RSPH14: variants seen among roughly 807,000 people sequenced by gnomAD.
The protein encoded by RSPH14 is radial spoke head 14 homolog.
In RSPH14, 20 loss-of-function variants were observed where a neutral mutation model predicts 26.7. That is an observed-to-expected ratio of 0.75 (90% CI 0.53 to 1.09). The LOEUF (loss-of-function observed/expected upper bound fraction) is 1.09, where lower values mean the gene tolerates loss of function less well. Ranked by LOEUF, RSPH14 falls within the 50% of genes least tolerant of loss-of-function variation. RSPH14 has a pLI of 0.00. For missense variants in RSPH14, 449 were observed against 457.2 expected (o/e 0.98, Z 0.16); for synonymous variants, 177 against 189.3 (o/e 0.93, Z 0.53).
chr22:23,150,058 T>A, the RSPH14 span: 1 of 1,603,390 alleles, frequency 6.2e-7, no homozygotes, highest in African/African-American at 1.3e-5. Flanking sequence ...TCTGTCTCTT[T>A]GCAGTGGTAC....
the RSPH14 span, chr22:23,161,026 T>A: frequency 6.3e-7 from 1 of 1,575,324 alleles, no homozygotes; most frequent in Non-Finnish European, 8.7e-7. Flanking sequence ...TGGGTTGGGC[T>A]GGGGAGTAGG....
intron 4 of RSPH14, among the ~76,000 whole-genome samples, chr22:23,107,678 C>T (rs903858874): frequency 2.0e-5 from 3 of 152,134 alleles, no homozygotes; most frequent in Non-Finnish European, 4.4e-5. Context: ...ACCAAGGGAG[C>T]GCAGCAGTGG....
At chr22:23,168,547 G>A in the RSPH14 span, among the ~76,000 whole-genome samples, 3 of 152,316 alleles carry the variant, frequency 2.0e-5, no homozygotes, top group Admixed American at 2.0e-4. Flanking sequence ...GAGATGCGAT[G>A]CCCTCCCAGC....
chr22:23,112,993 G>T (rs756123394), intron 4 of RSPH14, among the ~76,000 whole-genome samples: 10 of 152,202 alleles, frequency 6.6e-5, no homozygotes, highest in Non-Finnish European at 1.3e-4. Context: ...CAGGTCTGAC[G>T]TGGCCCATTT....
chr22:23,096,153 C>A, intron 4 of RSPH14: 1 of 1,612,920 alleles, frequency 6.2e-7, no homozygotes, highest in Non-Finnish European at 8.5e-7. Context: ...GAGGACAACG[C>A]GGCCTACTAC....
chr22:23,098,446 G>A (rs577000753), intron 4 of RSPH14, among the ~76,000 whole-genome samples: 2 of 152,188 alleles, frequency 1.3e-5, no homozygotes, highest in South Asian at 4.1e-4. Context: ...CCCTCTCCCA[G>A]GCCTGTCCCT....
chr22:23,130,137 A>G (rs1263066368), intron 4 of RSPH14, among the ~76,000 whole-genome samples: 2 of 110,558 alleles, frequency 1.8e-5, no homozygotes, highest in African/African-American at 6.6e-5. Flanking sequence ...GAAAGAAAGA[A>G]AGAAAGAAAG....
At chr22:23,162,781 G>A in the RSPH14 span, 1 of 455,926 alleles carries the variant, frequency 2.2e-6, no homozygotes, top group Non-Finnish European at 4.4e-6. Context: ...GCTCTCCTAG[G>A]GCCTGGCACA....
At chr22:23,104,160 G>A (rs1277732271) in intron 4 of RSPH14, among the ~76,000 whole-genome samples, 1 of 152,086 alleles carries the variant, frequency 6.6e-6, no homozygotes, top group Non-Finnish European at 1.5e-5. Flanking sequence ...GCTGTCGGGG[G>A]CCATGGAGAG....
At chr22:23,139,143 T>C (rs977613450) in intron 2 of RSPH14, among the ~76,000 whole-genome samples, 3 of 152,212 alleles carry the variant, frequency 2.0e-5, no homozygotes, top group Non-Finnish European at 4.4e-5. Flanking sequence ...CCAACCCTCC[T>C]TGTGATTCTC....
intron 4 of RSPH14, among the ~76,000 whole-genome samples, chr22:23,107,072 G>A (rs944866173): frequency 6.6e-6 from 1 of 152,276 alleles, no homozygotes; most frequent in African/African-American, 2.4e-5. Flanking sequence ...GGCCATTAGG[G>A]CCTGAGCTAG....
intron 4 of RSPH14, among the ~76,000 whole-genome samples, chr22:23,126,955 G>C (rs1043713937): frequency 6.6e-6 from 1 of 152,242 alleles, no homozygotes; most frequent in Non-Finnish European, 1.5e-5. Context: ...CTGCTCACTG[G>C]GGGGCACACT....
chr22:23,147,901 T>G (rs759665775), upstream of RSPH14, among the ~76,000 whole-genome samples: 3 of 152,130 alleles, frequency 2.0e-5, no homozygotes, highest in African/African-American at 7.2e-5. Context: ...CAGTAGAGTG[T>G]GTGCAGCACA....
At chr22:23,065,768 C>A (rs1202487599) in intron 4 of RSPH14, among the ~76,000 whole-genome samples, 4 of 152,078 alleles carry the variant, frequency 2.6e-5, no homozygotes, top group Non-Finnish European at 5.9e-5. Context: ...CCTAGGGTGG[C>A]AAGAGTCTCC....
At chr22:23,095,282 G>C in intron 4 of RSPH14, 1 of 198,118 alleles carries the variant, frequency 5.0e-6, no homozygotes, top group Non-Finnish European at 1.0e-5. Flanking sequence ...GCCGGAGGCG[G>C]GGGGCTGCAG....
chr22:23,150,301 T>A, the RSPH14 span: 1 of 639,472 alleles, frequency 1.6e-6, no homozygotes. Flanking sequence ...TTCTTTTTTT[T>A]TTCTTTTTTT....
the RSPH14 span, chr22:23,162,139 T>C: frequency 0.5 from 82,739 of 165,172 alleles, 21,080 homozygotes; most frequent in East Asian, 0.63. Flanking sequence ...CTGCCACGGA[T>C]GCTCAAGGTT....
the RSPH14 span, chr22:23,180,015 G>C: frequency 2.8e-6 from 1 of 362,232 alleles, no homozygotes; most frequent in Non-Finnish European, 5.1e-6. Flanking sequence ...CGACTGGGCA[G>C]TGCCGGTGAC....
intron 3 of RSPH14, among the ~76,000 whole-genome samples, chr22:23,135,783 A>T (rs4820539): frequency 5.9e-5 from 9 of 151,618 alleles, no homozygotes; most frequent in Non-Finnish European, 7.4e-5. Flanking sequence ...CCATTTCTTC[A>T]GTTCCTTGCT....
Sources: allele counts gnomAD v4.1 joint callset (sites outside exome capture counted in the v4.1 genomes callset), GRCh38; gene constraint gnomAD v4.1.1; transcripts MANE v1.5; gene names NCBI Gene and HGNC (gene_info 2026-07-23, HGNC 2026-07-21).